The following PLXDC2 variants were observed in gnomAD, a reference collection of about 807,000 sequenced individuals.
The protein encoded by PLXDC2 is plexin domain containing 2.
PLXDC2 carries 40 observed loss-of-function variants against 68.9 expected under a neutral mutation model. The ratio of observed to expected loss-of-function variants is 0.58; its 90% CI spans 0.45 to 0.76. The LOEUF is 0.76. Ranked by LOEUF, PLXDC2 falls within the 30% of genes least tolerant of loss-of-function variation. The pLI is 0.00. For synonymous variants in PLXDC2, 243 were observed against 234.2 expected (o/e 1.04, Z -0.34); for missense variants, 644 against 661.9 (o/e 0.97, Z 0.30).
At position 19,947,107 on chromosome 10, in the gene PLXDC2, G is replaced by A. The variant is rs1188664650; in HGVS notation, c.113-54668G>A. 2.6e-5 allele frequency among the ~76,000 whole-genome samples: 4 copies of A among 152,256 alleles called. No homozygotes were observed. In the East Asian group the frequency reaches 5.8e-4, roughly 22 times the overall value. Reference sequence around the variant, plus strand: ...ACAGCTGGCTTTGGAGATGAAGATAGGGGAAGCCAAGGAATGCAAATGACC... The same window carrying A: ...ACAGCTGGCTTTGGAGATGAAGATAAGGGAAGCCAAGGAATGCAAATGACC... On this transcript the variant is annotated intron_variant, in intron 1 of 13. Coordinates refer to ENST00000377252, the MANE Select transcript of PLXDC2 (RefSeq NM_032812.9).
intron 1 of PLXDC2, among the ~76,000 whole-genome samples, chr10:19,930,963 AAAAG>A (rs1161291815): frequency 3.9e-5 from 6 of 152,122 alleles, no homozygotes; most frequent in Admixed American, 6.6e-5. Context: ...GACTCCGCTG[AAAAG>A]AAAGAAAGAG....
At chr10:20,132,390 G>C (rs1833878822) in intron 4 of PLXDC2, among the ~76,000 whole-genome samples, 1 of 152,128 alleles carries the variant, frequency 6.6e-6, no homozygotes, top group Non-Finnish European at 1.5e-5. Flanking sequence ...CGTGTCTTCT[G>C]TATACTTATG....
At chr10:19,930,997 G>T (rs981105677) in intron 1 of PLXDC2, among the ~76,000 whole-genome samples, 3 of 152,030 alleles carry the variant, frequency 2.0e-5, no homozygotes, top group African/African-American at 7.2e-5. Flanking sequence ...GAAAGAAAGT[G>T]GAGAGAAAGA....
intron 1 of PLXDC2, among the ~76,000 whole-genome samples, chr10:19,837,128 T>C (rs1186438954): frequency 1.3e-5 from 2 of 151,994 alleles, no homozygotes; most frequent in African/African-American, 4.8e-5. Flanking sequence ...CAACAGTTGT[T>C]TTATAAGATT....
At chr10:20,124,034 A>C (rs1250323618) in intron 4 of PLXDC2, among the ~76,000 whole-genome samples, 3 of 152,000 alleles carry the variant, frequency 2.0e-5, no homozygotes, top group African/African-American at 7.3e-5. Flanking sequence ...GAAGGTGTAG[A>C]GACACGGAGA....
chr10:19,956,469 C>T (rs904759792), intron 1 of PLXDC2, among the ~76,000 whole-genome samples: 4 of 152,118 alleles, frequency 2.6e-5, no homozygotes, highest in Admixed American at 1.3e-4. Context: ...TCTCCCATTC[C>T]GTTTCTATTG....
intron 4 of PLXDC2, among the ~76,000 whole-genome samples, chr10:20,092,884 C>G (rs556320587): frequency 6.6e-6 from 1 of 151,992 alleles, no homozygotes; most frequent in African/African-American, 2.4e-5. Context: ...GGATGCCAGC[C>G]CCCAACAGAA....
intron 1 of PLXDC2, among the ~76,000 whole-genome samples, chr10:19,973,314 A>ATGTG (rs1834389666): frequency 1.5e-5 from 2 of 136,934 alleles, no homozygotes; most frequent in African/African-American, 5.5e-5. Flanking sequence ...ATATACTCAC[A>ATGTG]TATATATGTA....
chr10:19,894,226 C>T (rs7098072), intron 1 of PLXDC2, among the ~76,000 whole-genome samples: 12,515 of 150,934 alleles, frequency 0.083, 554 homozygotes, highest in South Asian at 0.11. Flanking sequence ...CCCTTGGAAA[C>T]GTAAAACAAA....
chr10:20,042,734 T>C (rs1406819535), intron 2 of PLXDC2, among the ~76,000 whole-genome samples: 1 of 152,160 alleles, frequency 6.6e-6, no homozygotes, highest in African/African-American at 2.4e-5. Context: ...AAGGCAGCAT[T>C]TGGGTTAGGA....
chr10:20,181,826 C>T (rs367603663), intron 9 of PLXDC2, among the ~76,000 whole-genome samples: 36 of 151,800 alleles, frequency 2.4e-4, no homozygotes, highest in East Asian at 3.9e-4. Flanking sequence ...ATAACTTATG[C>T]GAAGAAGGGA....
rs1835256047 is a variant in PLXDC2, at chr10:20,018,829, T to C, written c.324+16843T>C. Among the ~76,000 whole-genome samples the C allele has an allele frequency of 2.6e-5, 4 of 152,298 alleles. No homozygotes were observed. In the South Asian group the frequency reaches 8.3e-4, roughly 32 times the overall value. On this transcript the variant is annotated intron_variant, in intron 2 of 13. Coordinates refer to ENST00000377252, the MANE Select transcript of PLXDC2 (RefSeq NM_032812.9). ...TAAGACAGGAGCTGTTCTATGGTGA[T>C]TACTAGTTTCCTAAAAATAAACAAA...
Position 19,864,291 on chromosome 10 carries a change from A to G in PLXDC2, c.112+47100A>G, listed in dbSNP as rs528983545. Among the ~76,000 whole-genome samples the G allele has an allele frequency of 2.0e-5, 3 of 152,260 alleles. No homozygotes were observed. In the South Asian group the frequency reaches 6.2e-4, roughly 32 times the overall value. ...AAAGAGCTGGGATTATGAATGAATC[A>G]CCTTGCCCTGCCAAGATTTTGAAAT... On this transcript the variant is annotated intron_variant, in intron 1 of 13. Coordinates refer to ENST00000377252, the MANE Select transcript of PLXDC2 (RefSeq NM_032812.9).
At chr10:20,034,685 G>C (rs866738150) in intron 2 of PLXDC2, among the ~76,000 whole-genome samples, 1 of 152,128 alleles carries the variant, frequency 6.6e-6, no homozygotes, top group Admixed American at 6.5e-5. Flanking sequence ...TTGTTGCCAT[G>C]GTTTATAATC....
At chr10:19,845,542 G>T (rs551968389) in intron 1 of PLXDC2, among the ~76,000 whole-genome samples, 2 of 152,268 alleles carry the variant, frequency 1.3e-5, no homozygotes, top group African/African-American at 2.4e-5. Flanking sequence ...GACCCCCAAA[G>T]TGGAGCTTAC....
intron 2 of PLXDC2, among the ~76,000 whole-genome samples, chr10:20,016,772 G>C (rs1696694835): frequency 6.6e-6 from 1 of 152,136 alleles, no homozygotes; most frequent in African/African-American, 2.4e-5. Flanking sequence ...CCTGTGTCTT[G>C]GATGAGTTAC....
At chr10:20,246,785 A>G (rs1835602097) in intron 13 of PLXDC2, among the ~76,000 whole-genome samples, 1 of 152,252 alleles carries the variant, frequency 6.6e-6, no homozygotes, top group Non-Finnish European at 1.5e-5. Context: ...TATTCATTGT[A>G]TGACACATGG....
intron 9 of PLXDC2, among the ~76,000 whole-genome samples, chr10:20,191,657 G>A: frequency 6.6e-6 from 1 of 151,382 alleles, no homozygotes; most frequent in Non-Finnish European, 1.5e-5. Flanking sequence ...TCATTGTTGT[G>A]GGGTGGAGGG....
At chr10:20,003,807 A>G (rs906130528) in intron 2 of PLXDC2, among the ~76,000 whole-genome samples, 1 of 152,172 alleles carries the variant, frequency 6.6e-6, no homozygotes, top group Non-Finnish European at 1.5e-5. Flanking sequence ...TGGTATGAAG[A>G]CAAAGAAATA....
Sources: gnomAD v4.1 joint callset for allele counts (sites outside exome capture counted in the v4.1 genomes callset) on GRCh38, gnomAD v4.1.1 for gene constraint, MANE v1.5 for transcripts, NCBI Gene and HGNC (gene_info 2026-07-23, HGNC 2026-07-21) for gene names.